The following AP3B1 variants were observed in gnomAD, a reference collection of about 807,000 sequenced individuals.
AP3B1 encodes the protein AP-3 complex subunit beta-1.
A neutral mutation model predicts 132.5 loss-of-function variants in AP3B1; 61 were observed. The ratio of observed to expected loss-of-function variants is 0.46; its 90% CI spans 0.37 to 0.57. The LOEUF is 0.57. AP3B1 is among the 20% of genes least tolerant of loss of function. The pLI, the probability that AP3B1 is intolerant of heterozygous loss-of-function variation, is 0.00. For missense variants in AP3B1, 1,120 were observed against 1,289.4 expected, an observed-to-expected ratio of 0.87 and a Z score of 2.01; for synonymous variants, 388 against 438.3, an observed-to-expected ratio of 0.89 and a Z score of 1.43.
intron 24 of AP3B1, 74 bp downstream of exon 24, chr5:78,034,287 G>A (rs1747703116): frequency 9.0e-7 from 1 of 1,116,414 alleles, no homozygotes; most frequent in African/African-American, 1.5e-5. Context: ...ACACACAAAA[G>A]CTGTTGAAAG....
At chr5:78,030,481 T>A (rs572637359) in intron 24 of AP3B1, among the ~76,000 whole-genome samples, 1 of 152,358 alleles carries the variant, frequency 6.6e-6, no homozygotes, top group East Asian at 1.9e-4. Flanking sequence ...AGAGTACTGA[T>A]GTGAAATTTG....
In AP3B1 at chr5:78,156,304, T is replaced by G; in HGVS notation, c.1427A>C (p.His476Pro). 6.2e-7 allele frequency: 1 copy of G among 1,613,840 alleles called. No individual in the cohort carries two copies. Among genetic ancestry groups the G allele is most frequent in the Non-Finnish European group, 8.5e-7 (1 of 1,179,880 alleles). Residue 476 changes from histidine to proline, a missense_variant, in exon 14 of 27, where the codon CAT becomes CCT. By Grantham distance (77) the His-to-Pro change is moderately conservative. Coordinates refer to ENST00000255194, the MANE Select transcript of AP3B1 (RefSeq NM_003664.5). ...GGCCATATGTTTAATAATTTCACCA[T>G]GTTGTGCAGGTTGCATTTGCAGTAA... The part of the protein sequence containing the change: ...KKLLQMQPAQ[H>P]GEIIKHMAKL...
chr5:78,275,776 T>C (rs1026133828), intron 1 of AP3B1, among the ~76,000 whole-genome samples: 18 of 152,218 alleles, frequency 1.2e-4, no homozygotes, highest in African/African-American at 3.4e-4. Context: ...CCGGCCATGA[T>C]TGGCAATTTT....
intron 20 of AP3B1, among the ~76,000 whole-genome samples, chr5:78,101,559 A>T (rs1380796940): frequency 1.3e-5 from 2 of 152,080 alleles, no homozygotes; most frequent in Non-Finnish European, 2.9e-5. Flanking sequence ...TCTATAAATG[A>T]CATTCCCAGG....
Position 78,128,149 on chromosome 5 carries a change from A to T in AP3B1, c.1849T>A (p.Phe617Ile). The change falls in exon 17 of 27, where the codon TTC (phenylalanine) becomes ATC (isoleucine). Residue 617 changes from phenylalanine to isoleucine, a missense_variant. Physicochemically the swap from Phe to Ile is conservative, Grantham distance 21 (BLOSUM62 0). This residue lies in a region of AP3B1 where 906 missense variants were observed against 997.1 expected (regional missense o/e 0.91). Coordinates refer to ENST00000255194, the MANE Select transcript of AP3B1 (RefSeq NM_003664.5). ...GTATGAGATAAGGTGCCAAGCTGGA[A>T]ATGATCTCTATCTATTAAAAATAGG... ...LESPFKDRDH[F>I]QLGTLSHTLN... is the part of the protein sequence containing the mutation. The T allele has an allele frequency of 6.2e-7, 1 of 1,605,256 alleles. No individual in the cohort carries two copies. Among genetic ancestry groups the T allele is most frequent in the Non-Finnish European group, 8.5e-7 (1 of 1,172,324 alleles).
Position 78,068,671 on chromosome 5 carries a change from A to C in AP3B1, c.2577+20722T>G, listed in dbSNP as rs192505661. ...GATTTACAGCTGAATTCTACCAGAA[A>C]TATAAAGAGGAGATGATAACCTTTC... On this transcript the variant is annotated intron_variant, in intron 22 of 26. Transcript: ENST00000255194. Among the ~76,000 whole-genome samples, 11 of 152,316 alleles carry C rather than the reference A, an allele frequency of 7.2e-5. No homozygotes were observed. The East Asian group carries it at 1.7e-3, about 24-fold the overall frequency.
chr5:78,035,690 T>C (rs1747782474), intron 23 of AP3B1, among the ~76,000 whole-genome samples: 1 of 152,078 alleles, frequency 6.6e-6, no homozygotes, highest in African/African-American at 2.4e-5. Context: ...ATAATTAAAA[T>C]GCTATTTGCT....
chr5:78,196,039 T>TA, intron 7 of AP3B1, among the ~76,000 whole-genome samples: 1 of 152,104 alleles, frequency 6.6e-6, no homozygotes. Flanking sequence ...TGGACTTCAT[T>TA]AAAATTTAAA....
At chr5:78,113,208 C>A (rs1013382893) in intron 19 of AP3B1, among the ~76,000 whole-genome samples, 3 of 152,196 alleles carry the variant, frequency 2.0e-5, no homozygotes, top group African/African-American at 4.8e-5. Flanking sequence ...GTTGCACAAT[C>A]CAAGATATTA....
intron 24 of AP3B1, among the ~76,000 whole-genome samples, chr5:78,028,924 C>T (rs1343094965): frequency 1.3e-5 from 2 of 152,126 alleles, no homozygotes; most frequent in Non-Finnish European, 2.9e-5. Context: ...GATCTCTGTG[C>T]TTTGTCATCT....
rs930485089 is a variant in AP3B1, at chr5:78,291,905, G to C, written c.128+2547C>G. On this transcript the variant is annotated intron_variant, in intron 1 of 26. Coordinates refer to ENST00000255194, the MANE Select transcript of AP3B1 (RefSeq NM_003664.5). ...TTTGTTCTTAAAAATTACACATTAA[G>C]ATTTTCATTGTAAAAGAACATGATG... is the stretch of plus-strand genomic sequence containing the variant. 5.3e-5 allele frequency among the ~76,000 whole-genome samples: 8 copies of C among 152,294 alleles called. No homozygotes were observed. The South Asian group carries it at 8.3e-4, about 16-fold the overall frequency.
intron 22 of AP3B1, among the ~76,000 whole-genome samples, chr5:78,040,151 T>G (rs1160531460): frequency 6.6e-6 from 1 of 152,168 alleles, no homozygotes; most frequent in African/African-American, 2.4e-5. Flanking sequence ...ATCTCTACTT[T>G]GAGATCAAGT....
intron 25 of AP3B1, among the ~76,000 whole-genome samples, chr5:78,018,033 T>C (rs1034527547): frequency 3.9e-5 from 6 of 151,978 alleles, no homozygotes; most frequent in Middle Eastern, 3.2e-3. Context: ...AAGTTTTACA[T>C]TTGCAATTTA....
chr5:78,242,335 AT>A (rs1486578003), intron 2 of AP3B1, among the ~76,000 whole-genome samples: 1 of 151,942 alleles, frequency 6.6e-6, no homozygotes, highest in East Asian at 1.9e-4. Flanking sequence ...GCATCATCAA[AT>A]TTTACTCCTT....
At chr5:78,294,162 G>C (rs1749650818) in intron 1 of AP3B1, among the ~76,000 whole-genome samples, 1 of 152,014 alleles carries the variant, frequency 6.6e-6, no homozygotes, top group Non-Finnish European at 1.5e-5. Context: ...CCCAGCCCAA[G>C]TCCAATTCAA....
chr5:78,083,838 T>C (rs1044986752), intron 22 of AP3B1, among the ~76,000 whole-genome samples: 3 of 152,192 alleles, frequency 2.0e-5, no homozygotes, highest in African/African-American at 7.2e-5. Flanking sequence ...ACTTTTTTAA[T>C]TAGAAAAATA....
chr5:78,167,133 C>T (rs1743668255), intron 11 of AP3B1, among the ~76,000 whole-genome samples: 1 of 152,076 alleles, frequency 6.6e-6, no homozygotes, highest in South Asian at 2.1e-4. Flanking sequence ...CTACAAAGAA[C>T]ACAAACAAAT....
At chr5:78,227,035 A>C (rs548373167) in intron 5 of AP3B1, among the ~76,000 whole-genome samples, 1 of 152,194 alleles carries the variant, frequency 6.6e-6, no homozygotes, top group South Asian at 2.1e-4. Flanking sequence ...AGGAAAAAAA[A>C]ATCTCAATTT....
In AP3B1 at chr5:78,089,512, G is replaced by A; in HGVS notation, c.2471-13C>T. The A allele has an allele frequency of 6.6e-7, 1 of 1,520,680 alleles. No homozygotes were observed. The highest frequency in any genetic ancestry group is 9.1e-7 in the Non-Finnish European group (1 of 1,094,932). 94.2% of individuals were successfully genotyped at this position (1,520,680 alleles called of 1,614,324 possible). On this transcript the variant is annotated splice_polypyrimidine_tract_variant and intron_variant, in intron 21 of 26. Coordinates refer to ENST00000255194, the MANE Select transcript of AP3B1 (RefSeq NM_003664.5). ...GATACTGGGTTAACTGTAAGAAAAG[G>A]CCCAAATTAGTAAATGTGCATGAAC...
Sources: gnomAD v4.1 joint callset for allele counts (sites outside exome capture counted in the v4.1 genomes callset) on GRCh38, gnomAD v4.1.1 for gene constraint, gnomAD v4.1.1 regional missense constraint, MANE v1.5 for transcripts, NCBI Gene and HGNC (gene_info 2026-07-23, HGNC 2026-07-21) for gene names.